Variants in TRAM1L1 observed in about 807,000 individuals in gnomAD.
TRAM1L1 encodes translocating chain-associated membrane protein 1-like 1.
For synonymous variants in TRAM1L1, 189 were observed against 163.6 expected (o/e 1.16, Z -1.18); for missense variants, 451 against 439.9 (o/e 1.03, Z -0.23).
Position 117,084,763 on chromosome 4 carries a change from A to G in TRAM1L1, c.631T>C (p.Tyr211His). Residue 211 changes from tyrosine (Y) to histidine (H), a missense_variant, in exon 1 of 1, where the codon TAT becomes CAT. By Grantham distance (83) the Tyr-to-His change is moderately conservative. Transcript: ENST00000310754. ...GLHLFHITGA[Y>H]LLYLNHLGLL... Reference sequence around the variant, plus strand: ...CCCAAATGATTCAAGTACAAGAGATAAGCTCCAGTAATGTGGAAGAGGTGA... The same window carrying G: ...CCCAAATGATTCAAGTACAAGAGATGAGCTCCAGTAATGTGGAAGAGGTGA... The G allele has an allele frequency of 6.2e-7, 1 of 1,614,198 alleles. No homozygotes were observed. The highest frequency in any genetic ancestry group is 8.5e-7 in the Non-Finnish European group (1 of 1,180,042).
Position 117,084,544 on chromosome 4 carries a change from G to C in TRAM1L1, c.850C>G (p.Pro284Ala). Residue 284 changes from proline (P) to alanine (A), a missense_variant, in exon 1 of 1, where the codon CCT (proline) becomes GCT (alanine). By Grantham distance (27) the Pro-to-Ala change is conservative. Coordinates refer to ENST00000310754, the MANE Select transcript of TRAM1L1 (RefSeq NM_152402.3). Reference protein sequence around the residue: ...FHLAGSQNRNPDALTGNVNVL... With the variant: ...FHLAGSQNRNADALTGNVNVL... ...TTTACATTTCCAGTAAGGGCATCAGGATTCCGATTCTGCGATCCAGCCAGG... is the reference window on the plus strand; with the variant it reads ...TTTACATTTCCAGTAAGGGCATCAGCATTCCGATTCTGCGATCCAGCCAGG... 6.2e-7 allele frequency: 1 copy of C among 1,614,144 alleles called. No individual in the cohort carries two copies. Among genetic ancestry groups the C allele is most frequent in the Middle Eastern group, 1.6e-4 (1 of 6,062 alleles).
Position 117,084,292 on chromosome 4 carries a change from A to G in TRAM1L1, c.1102T>C (p.Ser368Pro). The change falls in exon 1 of 1, where the codon TCT (serine) becomes CCT (proline). Residue 368 changes from serine to proline, a missense_variant. Coordinates refer to ENST00000310754, the MANE Select transcript of TRAM1L1 (RefSeq NM_152402.3). ...CAATGCGCTTGCAAAGATTATGAAG[A>G]TTTCTCTTTCCTCTTTGGCGGACAG... Reference protein sequence around the residue: ...VDCPPKRKEKSS With the variant: ...VDCPPKRKEKPS The G allele has an allele frequency of 6.2e-7, 1 of 1,604,678 alleles. No homozygotes were observed.
chr4:117,084,364 T>G lies in TRAM1L1; in HGVS notation c.1030A>C (p.Lys344Gln). The G allele has an allele frequency of 6.2e-7, 1 of 1,614,224 alleles. No individual in the cohort carries two copies. Among genetic ancestry groups the G allele is most frequent in the Non-Finnish European group, 8.5e-7 (1 of 1,180,048 alleles). ...MKKKRSRSSKKRTENGVGVET... is the reference protein window; with the variant it reads ...MKKKRSRSSKQRTENGVGVET... Reference sequence around the variant, plus strand: ...ACTCCCACTCCGTTTTCTGTTCTTTTTTTAGAAGATCTCGACCGTTTCTTT... The same window carrying G: ...ACTCCCACTCCGTTTTCTGTTCTTTGTTTAGAAGATCTCGACCGTTTCTTT... Residue 344 changes from lysine (K) to glutamine (Q), a missense_variant, in exon 1 of 1, where the codon AAA (lysine) becomes CAA (glutamine). Physicochemically the swap from Lys to Gln is moderately conservative, Grantham distance 53. Coordinates refer to ENST00000310754, the MANE Select transcript of TRAM1L1 (RefSeq NM_152402.3).
chr4:117,084,112 C>T lies in TRAM1L1; in HGVS notation c.*172G>A. ...TAGTCTCAACCAAAATCTTTTTTTCCCATTCATAATAATCCTCCTCCCCTC... is the reference window on the plus strand; with the variant it reads ...TAGTCTCAACCAAAATCTTTTTTTCTCATTCATAATAATCCTCCTCCCCTC... On this transcript the variant is annotated 3_prime_UTR_variant, in exon 1 of 1. Coordinates refer to ENST00000310754, the MANE Select transcript of TRAM1L1 (RefSeq NM_152402.3). 1.8e-6 allele frequency: 1 copy of T among 553,248 alleles called. No homozygotes were observed. Among genetic ancestry groups the T allele is most frequent in the Non-Finnish European group, 2.9e-6 (1 of 342,020 alleles). The allele number at this position is 553,248 out of a possible 1,614,324, so 34.3% of individuals were successfully genotyped here. A position where few individuals can be genotyped will look rare whatever the true frequency, so the allele number is the denominator to read the frequency against.
chr4:117,084,375 C>G lies in TRAM1L1; in HGVS notation c.1019G>C (p.Arg340Thr). 1 of 1,614,092 alleles carries G rather than the reference C, an allele frequency of 6.2e-7. No individual in the cohort carries two copies. The highest frequency in any genetic ancestry group is 8.5e-7 in the Non-Finnish European group (1 of 1,180,016). ...QASCMKKKRSRSSKKRTENGV... is the reference protein window; with the variant it reads ...QASCMKKKRSTSSKKRTENGV... ...GTTTTCTGTTCTTTTTTTAGAAGAT[C>G]TCGACCGTTTCTTTTTCATACATGA... Residue 340 changes from arginine to threonine, a missense_variant, in exon 1 of 1, where the codon AGA (arginine) becomes ACA (threonine). Transcript: ENST00000310754.
chr4:117,083,965 T>A lies in TRAM1L1; in HGVS notation c.*319A>T, dbSNP rs1404830316. ...TGGGAGTAAGAACCAGTATCATTGATATGCAAAATTGTGCAGTTATCTCTG... is the reference window on the plus strand; with the variant it reads ...TGGGAGTAAGAACCAGTATCATTGAAATGCAAAATTGTGCAGTTATCTCTG... On this transcript the variant is annotated 3_prime_UTR_variant, in exon 1 of 1. Coordinates refer to ENST00000310754, the MANE Select transcript of TRAM1L1 (RefSeq NM_152402.3). The A allele has an allele frequency of 4.4e-6, 1 of 227,354 alleles. No individual in the cohort carries two copies. The highest frequency in any genetic ancestry group is 8.5e-6 in the Non-Finnish European group (1 of 117,220). 14.1% of individuals were successfully genotyped at this position (227,354 alleles called of 1,614,324 possible).
rs773501473 is a variant in TRAM1L1 at position 117,084,931 on chromosome 4, C to A, written c.463G>T (p.Ala155Ser). ...CLSDPTLIWK[A>S]RPHSMMTFQM... ...AATGTCATCATGCTATGGGGACGAG[C>A]CTTCCATATAAGAGTTGGGTCTGAC... The change falls in exon 1 of 1, where the codon GCT (alanine) becomes TCT (serine). Residue 155 changes from alanine (A) to serine (S), a missense_variant. Physicochemically the swap from Ala to Ser is moderately conservative, Grantham distance 99. Coordinates refer to ENST00000310754, the MANE Select transcript of TRAM1L1 (RefSeq NM_152402.3). 3.8e-5 allele frequency: 61 copies of A among 1,613,996 alleles called. No individual in the cohort carries two copies. Among genetic ancestry groups the A allele is most frequent in the Non-Finnish European group, 5.0e-5 (59 of 1,180,026 alleles).
At position 117,084,380 on chromosome 4, in the gene TRAM1L1, C is replaced by T. The variant is rs1371233545; in HGVS notation, c.1014G>A (p.Arg338=). 6.2e-7 allele frequency: 1 copy of T among 1,614,136 alleles called. No individual in the cohort carries two copies. Among genetic ancestry groups the T allele is most frequent in the Admixed American group, 1.7e-5 (1 of 60,012 alleles). Residue 338 remains arginine (R), a synonymous_variant, in exon 1 of 1, where the codon CGG becomes CGA. Transcript: ENST00000310754. ...NIQASCMKKK[R]SRSSKKRTEN... ...CTGTTCTTTTTTTAGAAGATCTCGA[C>T]CGTTTCTTTTTCATACATGAGGCCT...
rs1402665440 is a variant in TRAM1L1, at chr4:117,085,407, G to C, written c.-14C>G. ...ACGGAGCCCCATGGTGGCGCTTCCC[G>C]GATACTCACCGGCGAGCCGCAGCTG... is the stretch of plus-strand genomic sequence containing the variant. On this transcript the variant is annotated 5_prime_UTR_variant, in exon 1 of 1. Coordinates refer to ENST00000310754, the MANE Select transcript of TRAM1L1 (RefSeq NM_152402.3). The C allele has an allele frequency of 1.3e-6, 2 of 1,594,432 alleles. No homozygotes were observed. Among genetic ancestry groups the C allele is most frequent in the Non-Finnish European group, 1.7e-6 (2 of 1,166,858 alleles).
chr4:117,084,508 C>T lies in TRAM1L1; in HGVS notation c.886G>A (p.Ala296Thr), dbSNP rs1466786043. The change falls in exon 1 of 1, where the codon GCT (alanine) becomes ACT (threonine). Residue 296 changes from alanine to threonine, a missense_variant. Physicochemically the swap from Ala to Thr is moderately conservative, Grantham distance 58. Coordinates refer to ENST00000310754, the MANE Select transcript of TRAM1L1 (RefSeq NM_152402.3). Reference sequence around the variant, plus strand: ...CTGGACGACAGAACAGCAATTTTAGCTGCCAACACATTTACATTTCCAGTA... The same window carrying T: ...CTGGACGACAGAACAGCAATTTTAGTTGCCAACACATTTACATTTCCAGTA... Reference protein sequence around the residue: ...ALTGNVNVLAAKIAVLSSSCT... With the variant: ...ALTGNVNVLATKIAVLSSSCT... 1 of 1,614,202 alleles carries T rather than the reference C, an allele frequency of 6.2e-7. No individual in the cohort carries two copies. The highest frequency in any genetic ancestry group is 1.1e-5 in the South Asian group (1 of 91,086).
In TRAM1L1 at chr4:117,083,698, CTG is replaced by C. The variant is rs745337949; in HGVS notation, c.*584_*585del. 2 of 152,424 alleles carry C rather than the reference CTG, an allele frequency of 1.3e-5. No individual in the cohort carries two copies. Among genetic ancestry groups the C allele is most frequent in the Non-Finnish European group, 2.9e-5 (2 of 68,020 alleles). 9.4% of individuals were successfully genotyped at this position (152,424 alleles called of 1,614,324 possible). A position where few individuals can be genotyped will look rare whatever the true frequency, so the allele number is the denominator to read the frequency against. ...CCTCCATATGTGTTACCCATTAGTA[CTG>C]TGTTTTTTTAAATGGGGATGAAGCA... On this transcript the variant is annotated 3_prime_UTR_variant, in exon 1 of 1. Coordinates refer to ENST00000310754, the MANE Select transcript of TRAM1L1 (RefSeq NM_152402.3).
Position 117,084,565 on chromosome 4 carries a change from C to G in TRAM1L1, c.829G>C (p.Ala277Pro). Residue 277 changes from alanine (A) to proline (P), a missense_variant, in exon 1 of 1, where the codon GCT becomes CCT. Physicochemically the swap from Ala to Pro is conservative, Grantham distance 27. Transcript: ENST00000310754. ...TCAGGATTCCGATTCTGCGATCCAG[C>G]CAGGTGAAACCCAACAGTGAGTACG... is the stretch of plus-strand genomic sequence containing the variant. ...VSVLTVGFHL[A>P]GSQNRNPDAL... The G allele has an allele frequency of 3.1e-6, 5 of 1,614,160 alleles. No individual in the cohort carries two copies. The highest frequency in any genetic ancestry group is 3.4e-6 in the Non-Finnish European group (4 of 1,180,034).
In TRAM1L1 at chr4:117,085,533, G is replaced by GA. The variant is rs918956641; in HGVS notation, c.-141dup. 9.3e-5 allele frequency: 110 copies of GA among 1,186,488 alleles called. No individual in the cohort carries two copies. The highest frequency in any genetic ancestry group is 2.9e-4 in the Middle Eastern group (1 of 3,410). 73.5% of individuals were successfully genotyped at this position (1,186,488 alleles called of 1,614,324 possible). On this transcript the variant is annotated 5_prime_UTR_variant, in exon 1 of 1. The change creates a premature stop within an existing upstream ORF in the 5' untranslated region. Transcript: ENST00000310754. ...AGTCCCGGGTCGCAGCGGCCGCCCA[G>GA]AAAAAAAATAAATCAAAGGCGAGGG...
At position 117,085,073 on chromosome 4, in the gene TRAM1L1, C is replaced by T; in HGVS notation, c.321G>A (p.Lys107=). 6.2e-7 allele frequency: 1 copy of T among 1,614,082 alleles called. No individual in the cohort carries two copies. The highest frequency in any genetic ancestry group is 1.1e-5 in the South Asian group (1 of 91,072). ...IQEYVLDKIN[K]RMQFTKAKQN... is the part of the protein sequence containing the mutation. Reference sequence around the variant, plus strand: ...GTTTCGCTTTGGTGAACTGCATTCTCTTGTTAATTTTATCCAACACATATT... The same window carrying T: ...GTTTCGCTTTGGTGAACTGCATTCTTTTGTTAATTTTATCCAACACATATT... Residue 107 remains lysine (K), a synonymous_variant, in exon 1 of 1, where the codon AAG becomes AAA. Coordinates refer to ENST00000310754, the MANE Select transcript of TRAM1L1 (RefSeq NM_152402.3).
chr4:117,085,056 T>C lies in TRAM1L1; in HGVS notation c.338A>G (p.Lys113Arg). The change falls in exon 1 of 1, where the codon AAA (lysine) becomes AGA (arginine). Residue 113 changes from lysine (K) to arginine (R), a missense_variant. Coordinates refer to ENST00000310754, the MANE Select transcript of TRAM1L1 (RefSeq NM_152402.3). ...DKINKRMQFTKAKQNKFNESG... is the reference protein window; with the variant it reads ...DKINKRMQFTRAKQNKFNESG... ...CTCGTTAAACTTGTTTTGTTTCGCT[T>C]TGGTGAACTGCATTCTCTTGTTAAT... is the stretch of plus-strand genomic sequence containing the variant. 1 of 1,614,142 alleles carries C rather than the reference T, an allele frequency of 6.2e-7. No homozygotes were observed. Among genetic ancestry groups the C allele is most frequent in the East Asian group, 2.2e-5 (1 of 44,864 alleles).
rs917899080 is a variant in TRAM1L1 at position 117,084,230 on chromosome 4, G to A, written c.*54C>T. The A allele has an allele frequency of 1.3e-6, 2 of 1,509,926 alleles. No individual in the cohort carries two copies. Among genetic ancestry groups the A allele is most frequent in the African/African-American group, 2.8e-5 (2 of 71,478 alleles). 93.5% of individuals were successfully genotyped at this position (1,509,926 alleles called of 1,614,324 possible). On this transcript the variant is annotated 3_prime_UTR_variant, in exon 1 of 1. Transcript: ENST00000310754. ...AACAGAAAAATCTCTAGTGCAGAAA[G>A]AAACCTCAAAGAGCAGATTCCTTTG...
At position 117,084,510 on chromosome 4, in the gene TRAM1L1, G is replaced by A. The variant is rs1732411915; in HGVS notation, c.884C>T (p.Ala295Val). The change falls in exon 1 of 1, where the codon GCA becomes GTA. Residue 295 changes from alanine (A) to valine (V), a missense_variant. Ala to Val is a moderately conservative substitution (Grantham distance 64). Coordinates refer to ENST00000310754, the MANE Select transcript of TRAM1L1 (RefSeq NM_152402.3). ...DALTGNVNVLAAKIAVLSSSC... is the reference protein window; with the variant it reads ...DALTGNVNVLVAKIAVLSSSC... ...GGACGACAGAACAGCAATTTTAGCT[G>A]CCAACACATTTACATTTCCAGTAAG... The A allele has an allele frequency of 6.2e-7, 1 of 1,614,044 alleles. No homozygotes were observed. Among genetic ancestry groups the A allele is most frequent in the African/African-American group, 1.3e-5 (1 of 74,904 alleles).
At position 117,084,312 on chromosome 4, in the gene TRAM1L1, G is replaced by A. The variant is rs914442549; in HGVS notation, c.1082C>T (p.Pro361Leu). 5.0e-6 allele frequency: 8 copies of A among 1,610,890 alleles called. No homozygotes were observed. The highest frequency in any genetic ancestry group is 6.8e-6 in the Non-Finnish European group (8 of 1,179,168). The change falls in exon 1 of 1, where the codon CCG (proline) becomes CTG (leucine). Residue 361 changes from proline (P) to leucine (L), a missense_variant. Transcript: ENST00000310754. ...GVETSNRVDC[P>L]PKRKEKSS ...TGAAGATTTCTCTTTCCTCTTTGGCGGACAGTCTACTCTATTTGAAGTTTC... is the reference window on the plus strand; with the variant it reads ...TGAAGATTTCTCTTTCCTCTTTGGCAGACAGTCTACTCTATTTGAAGTTTC...
chr4:117,084,144 C>T lies in TRAM1L1; in HGVS notation c.*140G>A. 1 of 849,972 alleles carries T rather than the reference C, an allele frequency of 1.2e-6. No individual in the cohort carries two copies. The highest frequency in any genetic ancestry group is 1.7e-6 in the Non-Finnish European group (1 of 574,652). The allele number at this position is 849,972 out of a possible 1,614,324, so 52.7% of individuals were successfully genotyped here. On this transcript the variant is annotated 3_prime_UTR_variant, in exon 1 of 1. Transcript: ENST00000310754. The stretch of plus-strand genomic sequence containing the variant: ...TAATAATCCTCCTCCCCTCAAATGT[C>T]TTTAAAAAATACATGAAACAGTTCA...
Sources: gnomAD v4.1 joint callset for allele counts on GRCh38, gnomAD v4.1.1 for gene constraint, MANE v1.5 for transcripts, NCBI Gene and HGNC (gene_info 2026-07-23, HGNC 2026-07-21) for gene names.